Variants in TULP3 observed in about 807,000 individuals in gnomAD.
TULP3 encodes the protein tubby-related protein 3.
Under a neutral mutation model 50.7 loss-of-function variants are expected in TULP3, and 38 were observed. That is an observed-to-expected ratio of 0.75 (90% confidence interval 0.58 to 0.98). The LOEUF (loss-of-function observed/expected upper bound fraction) is 0.98, where lower values mean the gene tolerates loss of function less well. Among genes scored for constraint, TULP3 ranks in the 50% least tolerant of loss-of-function variants. The probability of loss-of-function intolerance (pLI) is 0.00; values close to 1 mark genes in which losing one functional copy is unlikely to be tolerated. For missense variants in TULP3, 550 were observed against 568.0 expected (o/e 0.97, Z 0.32); for synonymous variants, 183 against 196.6 (o/e 0.93, Z 0.58).
intron 4 of TULP3, among the ~76,000 whole-genome samples, chr12:2,929,288 G>T (rs11062419): frequency 0.23 from 34,529 of 151,818 alleles, 4,037 homozygotes; most frequent in East Asian, 0.35. Context: ...CTGCGCTCCA[G>T]CCTGGGCGAC....
intron 2 of TULP3, among the ~76,000 whole-genome samples, chr12:2,915,718 T>A (rs1027340901): frequency 3.9e-5 from 6 of 151,936 alleles, no homozygotes; most frequent in Non-Finnish European, 7.4e-5. Flanking sequence ...CTAATTTTTT[T>A]AATTTTTAGT....
Position 2,931,095 on chromosome 12 carries a change from A to T in TULP3, c.551A>T (p.Asp184Val), listed in dbSNP as rs779725068. 4 of 1,614,028 alleles carry T rather than the reference A, an allele frequency of 2.5e-6. No individual in the cohort carries two copies. Among genetic ancestry groups the T allele is most frequent in the African/African-American group, 1.3e-5 (1 of 74,912 alleles). The change falls in exon 6 of 11, where the codon GAC becomes GTC. Residue 184 changes from aspartate (D) to valine (V), a missense_variant. By Grantham distance (152) the Asp-to-Val change is radical. Coordinates refer to ENST00000448120, the MANE Select transcript of TULP3 (RefSeq NM_003324.5). ...AAQPADNLLG[D>V]IDDLEDFVYS... ...CAACCAGCTGATAACCTCCTGGGAGACATAGACGACCTGGAGGACTTTGTG... is the reference window on the plus strand; with the variant it reads ...CAACCAGCTGATAACCTCCTGGGAGTCATAGACGACCTGGAGGACTTTGTG...
At position 2,927,789 on chromosome 12, in the gene TULP3, C is replaced by T. The variant is rs374270047; in HGVS notation, c.395-2459C>T. Among the ~76,000 whole-genome samples, 7 of 152,178 alleles carry T rather than the reference C, an allele frequency of 4.6e-5. No individual in the cohort carries two copies. The South Asian group carries it at 1.5e-3, about 32-fold the overall frequency. On this transcript the variant is annotated intron_variant, in intron 4 of 10. Coordinates refer to ENST00000448120, the MANE Select transcript of TULP3 (RefSeq NM_003324.5). The stretch of plus-strand genomic sequence containing the variant: ...TGTTGAATGTGCACAAAAAGTGGTT[C>T]AGAGAAAAAAGCCACACTTGTTAAT...
rs1055625691 is a variant in TULP3 at position 2,939,781 on chromosome 12, T to G, written c.*337T>G. 2.5e-5 allele frequency: 30 copies of G among 1,203,044 alleles called. No homozygotes were observed. Among genetic ancestry groups the G allele is most frequent in the Middle Eastern group, 3.7e-4 (1 of 2,712 alleles). The allele number at this position is 1,203,044 out of a possible 1,614,324, so 74.5% of individuals were successfully genotyped here. A position where few individuals can be genotyped will look rare whatever the true frequency, so the allele number is the denominator to read the frequency against. On this transcript the variant is annotated 3_prime_UTR_variant, in exon 11 of 11. Transcript: ENST00000448120. This position sits in a 1 kb window ranked among gnomAD's most constrained non-coding sequence, Gnocchi z 4.0. ...ACGAAGAGCAATAGTTTGCCCCTTT[T>G]GGAACGACCCCTGAATATATAAAAC...
In TULP3 at chr12:2,890,943, C is replaced by T. The variant is rs1319276410; in HGVS notation, c.-5C>T. 16 of 1,594,486 alleles carry T rather than the reference C, an allele frequency of 1.0e-5. No individual in the cohort carries two copies. The East Asian group carries it at 1.2e-4, about 12-fold the overall frequency. On this transcript the variant is annotated 5_prime_UTR_variant, in exon 1 of 11. Transcript: ENST00000448120. ...TACGTGGTGGGGGCTTCCTCGGTGG[C>T]GGGCATGGAGGCTTCGCGCTGCCGG...
intron 1 of TULP3, among the ~76,000 whole-genome samples, chr12:2,906,471 G>A (rs1430701977): frequency 6.6e-6 from 1 of 151,486 alleles, no homozygotes; most frequent in Non-Finnish European, 1.5e-5. Flanking sequence ...TGGGATTACA[G>A]GTGCATGCCG....
intron 1 of TULP3, among the ~76,000 whole-genome samples, chr12:2,897,840 A>C (rs569413032): frequency 4.1e-4 from 61 of 149,628 alleles, no homozygotes; most frequent in Middle Eastern, 7.1e-3. Context: ...GCACTTTGGG[A>C]GGGCAAGGCA....
chr12:2,896,595 A>C (rs573332412), intron 1 of TULP3, among the ~76,000 whole-genome samples: 1 of 152,302 alleles, frequency 6.6e-6, no homozygotes, highest in Admixed American at 6.5e-5. Context: ...CTTTCCTGTG[A>C]TGTGTAGAAA....
rs2098199950 is a variant in TULP3 at position 2,934,493 on chromosome 12, T to C, written c.856T>C (p.Cys286Arg). The change falls in exon 8 of 11, where the codon TGC (cysteine) becomes CGC (arginine). Residue 286 changes from cysteine (C) to arginine (R), a missense_variant. Coordinates refer to ENST00000448120, the MANE Select transcript of TULP3 (RefSeq NM_003324.5). ...TKFTVYDRGI[C>R]PMKGRGLVGA... is the part of the protein sequence containing the mutation. ...GTTTACAGTTTATGACCGTGGCATC[T>C]GCCCCATGAAGGGCCGGGGTTTGGT... 4 of 1,605,150 alleles carry C rather than the reference T, an allele frequency of 2.5e-6. No homozygotes were observed. The highest frequency in any genetic ancestry group is 2.6e-6 in the Non-Finnish European group (3 of 1,176,270).
intron 2 of TULP3, among the ~76,000 whole-genome samples, chr12:2,920,126 C>T (rs1368643777): frequency 6.6e-6 from 1 of 151,904 alleles, no homozygotes; most frequent in Non-Finnish European, 1.5e-5. Flanking sequence ...ATCTGTCCTC[C>T]GTGCATGTGT....
chr12:2,936,167 G>A (rs1345552057), intron 8 of TULP3, among the ~76,000 whole-genome samples: 2 of 152,028 alleles, frequency 1.3e-5, no homozygotes, highest in Non-Finnish European at 2.9e-5. Context: ...CTACTCGGGA[G>A]GCTGAGGCAG....
intron 6 of TULP3, among the ~76,000 whole-genome samples, chr12:2,932,174 G>A (rs2098198462): frequency 6.6e-6 from 1 of 152,130 alleles, no homozygotes; most frequent in African/African-American, 2.4e-5. Context: ...TTTCCTCCCT[G>A]GAGAGGCTTC....
At chr12:2,909,637 ATGGTCT>A in intron 2 of TULP3, 57 bp downstream of exon 2, 1 of 1,514,330 alleles carries the variant, frequency 6.6e-7, no homozygotes. Flanking sequence ...CGTGATGCTG[ATGGTCT>A]TGGCTCTGAA....
chr12:2,940,023 A>C lies in TULP3; in HGVS notation c.*579A>C. ...TCTCCTCTCTTCATTCCCTCACAGC[A>C]GATTGGCCGGCACCAATCTTAGTCA... On this transcript the variant is annotated 3_prime_UTR_variant, in exon 11 of 11. Transcript: ENST00000448120. 1 of 1,288,354 alleles carries C rather than the reference A, an allele frequency of 7.8e-7. No individual in the cohort carries two copies. The highest frequency in any genetic ancestry group is 1.0e-6 in the Non-Finnish European group (1 of 987,988). The allele number at this position is 1,288,354 out of a possible 1,614,324, so 79.8% of individuals were successfully genotyped here. A position where few individuals can be genotyped will look rare whatever the true frequency, so the allele number is the denominator to read the frequency against.
chr12:2,911,977 A>AC (rs1284983960), intron 2 of TULP3, among the ~76,000 whole-genome samples: 1 of 151,616 alleles, frequency 6.6e-6, no homozygotes, highest in Non-Finnish European at 1.5e-5. Flanking sequence ...AAAAAAAAAA[A>AC]GTGTATGAGA....
intron 8 of TULP3, among the ~76,000 whole-genome samples, chr12:2,936,370 G>T (rs1013452996): frequency 6.6e-6 from 1 of 152,088 alleles, no homozygotes; most frequent in African/African-American, 2.4e-5. Flanking sequence ...GTAATATAGT[G>T]CTATGCCCTC....
At chr12:2,891,539 A>G (rs2098172071) in intron 1 of TULP3, among the ~76,000 whole-genome samples, 1 of 152,192 alleles carries the variant, frequency 6.6e-6, no homozygotes, top group Non-Finnish European at 1.5e-5. Flanking sequence ...CTGATTTGCC[A>G]GTGGGCCACA....
At chr12:2,930,981 G>C (rs1565507278) in intron 5 of TULP3, 56 bp from the exon 6 acceptor site, 3 of 1,593,752 alleles carry the variant, frequency 1.9e-6, no homozygotes, top group Non-Finnish European at 2.6e-6. Flanking sequence ...GTTTTTCAAA[G>C]AGAATCAGAT....
At chr12:2,917,335 G>A (rs1439548572) in intron 2 of TULP3, among the ~76,000 whole-genome samples, 2 of 152,048 alleles carry the variant, frequency 1.3e-5, no homozygotes, top group African/African-American at 4.8e-5. Flanking sequence ...AGCTGGGCAT[G>A]GTGGGGTGCA....
Sources: allele counts gnomAD v4.1 joint callset (sites outside exome capture counted in the v4.1 genomes callset), GRCh38; gene constraint gnomAD v4.1.1; non-coding constraint Gnocchi (gnomAD v3.1); transcripts MANE v1.5; gene names NCBI Gene and HGNC (gene_info 2026-07-23, HGNC 2026-07-21).